Variants in SNTB1 observed in about 807,000 individuals in gnomAD.
The protein encoded by SNTB1 is syntrophin beta 1.
Under a neutral mutation model 48.9 loss-of-function variants are expected in SNTB1, and 36 were observed. The ratio of observed to expected loss-of-function variants is 0.74; its 90% CI spans 0.56 to 0.97. SNTB1 has a LOEUF of 0.97. Among genes scored for constraint, SNTB1 ranks in the 50% least tolerant of loss-of-function variants. The pLI, the probability that SNTB1 is intolerant of heterozygous loss-of-function variation, is 0.00. For missense variants in SNTB1, 786 were observed against 703.4 expected, an observed-to-expected ratio of 1.12 and a Z score of -1.33; for synonymous variants, 299 against 294.6, an observed-to-expected ratio of 1.01 and a Z score of -0.15.
chr8:120,628,184 CAAGGGAAAGCA>C (rs1406101979), intron 3 of SNTB1, among the ~76,000 whole-genome samples: 1 of 152,100 alleles, frequency 6.6e-6, no homozygotes, highest in Admixed American at 6.6e-5. Context: ...ACCGAGATAA[CAAGGGAAAGCA>C]AAGGGAATGC....
chr8:120,772,652 T>G (rs183390969), intron 1 of SNTB1, among the ~76,000 whole-genome samples: 1 of 152,138 alleles, frequency 6.6e-6, no homozygotes, highest in African/African-American at 2.4e-5. Flanking sequence ...TGGAGTCAAC[T>G]AAGCTGAAAT....
At chr8:120,691,697 G>GTTATTGAACATGGCAACTAATT (rs1374223564) in intron 2 of SNTB1, among the ~76,000 whole-genome samples, 1 of 152,054 alleles carries the variant, frequency 6.6e-6, no homozygotes, top group Non-Finnish European at 1.5e-5. Context: ...AAGTTTTTCA[G>GTTATTGAACATGGCAACTAATT]TTATTGAACA....
In SNTB1 at chr8:120,575,169, T is replaced by C; in HGVS notation, c.1053A>G (p.Lys351=). The change falls in exon 4 of 7, where the codon AAA becomes AAG. Residue 351 remains lysine, a synonymous_variant. Transcript: ENST00000517992. ...GCATGCTGTCATAGATTAAAAGGTC[T>C]TTCTCAGTCAGCACAACCAGGGCTG... The part of the protein sequence containing the change: ...WKPALVVLTE[K]DLLIYDSMPR... 6.2e-7 allele frequency: 1 copy of C among 1,614,166 alleles called. No homozygotes were observed. The highest frequency in any genetic ancestry group is 8.5e-7 in the Non-Finnish European group (1 of 1,180,018).
intron 5 of SNTB1, among the ~76,000 whole-genome samples, chr8:120,545,309 A>C (rs1476372333): frequency 6.6e-6 from 1 of 152,148 alleles, no homozygotes; most frequent in Non-Finnish European, 1.5e-5. Flanking sequence ...ATGCCATTGC[A>C]CTCCAGCCTG....
intron 2 of SNTB1, among the ~76,000 whole-genome samples, chr8:120,688,974 T>C (rs1339707982): frequency 6.6e-6 from 1 of 152,130 alleles, no homozygotes; most frequent in East Asian, 1.9e-4. Flanking sequence ...ACTAAGGATG[T>C]GGGCCTGGCT....
At chr8:120,801,332 A>T (rs1455389187) in intron 1 of SNTB1, among the ~76,000 whole-genome samples, 1 of 151,982 alleles carries the variant, frequency 6.6e-6, no homozygotes, top group Non-Finnish European at 1.5e-5. Flanking sequence ...CATTCCATTC[A>T]ATTTCAGATA....
Position 120,711,326 on chromosome 8 carries a change from C to A in SNTB1, c.572-17418G>T, listed in dbSNP as rs542510626. Among the ~76,000 whole-genome samples the A allele has an allele frequency of 7.0e-3, 918 of 131,844 alleles. 10 individuals are homozygous for A. The highest frequency in any genetic ancestry group is 0.027 in the African/African-American group (884 of 32,940). The allele number at this position is 131,844 out of a possible 152,430, so 86.5% of individuals were successfully genotyped here. A position where few individuals can be genotyped will look rare whatever the true frequency, so the allele number is the denominator to read the frequency against. On this transcript the variant is annotated intron_variant, in intron 1 of 6. Coordinates refer to ENST00000517992, the MANE Select transcript of SNTB1 (RefSeq NM_021021.4). ...TTAAATATTACATAATTTAAAAAAT[C>A]ATTAAAAAAAATCTTTATACACTCT...
At chr8:120,603,486 C>T (rs967798640) in intron 3 of SNTB1, among the ~76,000 whole-genome samples, 7 of 152,172 alleles carry the variant, frequency 4.6e-5, no homozygotes, top group African/African-American at 1.7e-4. Context: ...AGCAGTGCTT[C>T]TCAAAGTGTA....
chr8:120,555,321 T>C (rs1048251195), intron 4 of SNTB1, among the ~76,000 whole-genome samples: 1 of 152,154 alleles, frequency 6.6e-6, no homozygotes, highest in Non-Finnish European at 1.5e-5. Flanking sequence ...GTGCTGAATT[T>C]TATAGTCCGG....
intron 1 of SNTB1, among the ~76,000 whole-genome samples, chr8:120,807,954 G>A (rs573946118): frequency 6.6e-6 from 1 of 150,788 alleles, no homozygotes; most frequent in African/African-American, 2.4e-5. Flanking sequence ...TTGCTCTATC[G>A]CCCAGGCTGG....
At chr8:120,809,618 A>T (rs114639087) in intron 1 of SNTB1, among the ~76,000 whole-genome samples, 17 of 151,526 alleles carry the variant, frequency 1.1e-4, no homozygotes, top group African/African-American at 3.9e-4. Context: ...CCCCACCCCA[A>T]CCCCTCCTCC....
chr8:120,605,609 G>A (rs1316323639), intron 3 of SNTB1, among the ~76,000 whole-genome samples: 2 of 152,114 alleles, frequency 1.3e-5, no homozygotes, highest in Non-Finnish European at 2.9e-5. Context: ...GTAGATGTTT[G>A]CTGTTGATGG....
chr8:120,795,958 T>G (rs999864968), intron 1 of SNTB1, among the ~76,000 whole-genome samples: 2 of 152,022 alleles, frequency 1.3e-5, no homozygotes, highest in African/African-American at 4.8e-5. Flanking sequence ...CCTAATGACC[T>G]CACTTTAACT....
intron 1 of SNTB1, among the ~76,000 whole-genome samples, chr8:120,780,738 T>G (rs1819818293): frequency 6.6e-6 from 1 of 152,216 alleles, no homozygotes; most frequent in Admixed American, 6.5e-5. Flanking sequence ...GACATCTTCA[T>G]AGCAGTTTAG....
intron 2 of SNTB1, among the ~76,000 whole-genome samples, chr8:120,664,445 C>T (rs912911543): frequency 6.6e-6 from 1 of 152,108 alleles, no homozygotes; most frequent in Non-Finnish European, 1.5e-5. Flanking sequence ...GACATACATA[C>T]CCCCCATGAC....
At chr8:120,714,113 T>C (rs1204136818) in intron 1 of SNTB1, among the ~76,000 whole-genome samples, 1 of 152,184 alleles carries the variant, frequency 6.6e-6, no homozygotes, top group African/African-American at 2.4e-5. Flanking sequence ...TTTGGCTTGT[T>C]TGGTCAAGCT....
At chr8:120,746,076 A>G (rs1819121011) in intron 1 of SNTB1, among the ~76,000 whole-genome samples, 1 of 152,098 alleles carries the variant, frequency 6.6e-6, no homozygotes, top group Admixed American at 6.5e-5. Context: ...AGAGTTGAGC[A>G]GAGTTGAGCC....
At chr8:120,763,177 C>A (rs973694939) in intron 1 of SNTB1, among the ~76,000 whole-genome samples, 2 of 152,146 alleles carry the variant, frequency 1.3e-5, no homozygotes, top group African/African-American at 2.4e-5. Context: ...TCTTATATAT[C>A]GCATTACTAT....
intron 4 of SNTB1, among the ~76,000 whole-genome samples, chr8:120,568,387 A>G (rs1256228494): frequency 1.3e-5 from 2 of 152,122 alleles, no homozygotes; most frequent in Non-Finnish European, 2.9e-5. Flanking sequence ...TTTGCTTTCT[A>G]AAAGTCTTTT....
Sources: gnomAD v4.1 joint callset for allele counts (sites outside exome capture counted in the v4.1 genomes callset) on GRCh38, gnomAD v4.1.1 for gene constraint, MANE v1.5 for transcripts, NCBI Gene and HGNC (gene_info 2026-07-23, HGNC 2026-07-21) for gene names.